BACH2: variants seen among roughly 807,000 people sequenced by gnomAD.
BACH2 encodes BACH transcriptional regulator 2.
Under a neutral mutation model 61.8 loss-of-function variants are expected in BACH2, and 5 were observed. The observed-to-expected ratio is 0.08, with a 90% CI of 0.04 to 0.17. BACH2 has a LOEUF of 0.17. BACH2 is among the 10% of genes least tolerant of loss of function. The pLI is 1.00. For synonymous variants in BACH2, 446 were observed against 440.1 expected (o/e 1.01, Z -0.17); for missense variants, 824 against 1,091.1 (o/e 0.76, Z 3.45).
At chr6:90,152,909 T>G (rs919429505) in intron 4 of BACH2, among the ~76,000 whole-genome samples, 2 of 152,184 alleles carry the variant, frequency 1.3e-5, no homozygotes, top group Non-Finnish European at 2.9e-5. Flanking sequence ...GGTGATTAGC[T>G]GCTTTTGGCA....
At chr6:90,143,145 G>C (rs1784516127) in intron 4 of BACH2, among the ~76,000 whole-genome samples, 1 of 152,158 alleles carries the variant, frequency 6.6e-6, no homozygotes, top group South Asian at 2.1e-4. Flanking sequence ...GACAGGGATA[G>C]GTCTGCTTTA....
At chr6:90,217,916 T>C (rs1288229555) in intron 3 of BACH2, 1 of 152,140 alleles carries the variant, frequency 6.6e-6, no homozygotes, top group Non-Finnish European at 1.5e-5. Context: ...ACTTGGCATT[T>C]TGAAGTCATT....
At chr6:90,155,623 T>C (rs999158086) in intron 4 of BACH2, among the ~76,000 whole-genome samples, 4 of 152,290 alleles carry the variant, frequency 2.6e-5, no homozygotes, top group South Asian at 2.1e-4. Flanking sequence ...ACTAGAAATA[T>C]AGGAGGCCTA....
chr6:90,182,315 A>T (rs1376501930), intron 4 of BACH2, among the ~76,000 whole-genome samples: 1 of 152,166 alleles, frequency 6.6e-6, no homozygotes, highest in Non-Finnish European at 1.5e-5. Flanking sequence ...GGCCCATCAC[A>T]TACTGTTCCT....
At chr6:90,151,543 G>C (rs1295848081) in intron 4 of BACH2, among the ~76,000 whole-genome samples, 2 of 152,048 alleles carry the variant, frequency 1.3e-5, no homozygotes, top group African/African-American at 4.8e-5. Flanking sequence ...TTCCCACCTT[G>C]GTCTCCCAAA....
At chr6:90,276,413 C>T (rs904745013) in intron 1 of BACH2, among the ~76,000 whole-genome samples, 1 of 152,162 alleles carries the variant, frequency 6.6e-6, no homozygotes, top group Non-Finnish European at 1.5e-5. Context: ...AAACACACAC[C>T]TTTAAATGAT....
chr6:90,268,194 C>T (rs143773347), intron 2 of BACH2, among the ~76,000 whole-genome samples: 11 of 151,852 alleles, frequency 7.2e-5, no homozygotes, highest in African/African-American at 1.7e-4. Flanking sequence ...TTTTTAGAGA[C>T]GAGGTTTCAC....
At position 89,950,660 on chromosome 6, in the gene BACH2, G is replaced by A. The variant is rs147210309; in HGVS notation, c.1446C>T (p.His482=). The change falls in exon 7 of 9, where the codon CAC becomes CAT. Residue 482 remains histidine (H), a synonymous_variant. Transcript: ENST00000257749. The surrounding 1 kb of genome is among the most constrained non-coding windows in gnomAD (Gnocchi z 5.3). ...QSLPSSQAYS[H]GGLMADHLPG... is the part of the protein sequence containing the mutation. ...GCAAGTGGTCGGCCATCAGCCCACC[G>A]TGGGAGTAGGCCTGCGAGCTGGGGA... 1.1e-5 allele frequency: 17 copies of A among 1,614,056 alleles called. No individual in the cohort carries two copies. The South Asian group carries it at 1.4e-4, about 14-fold the overall frequency.
At chr6:90,243,851 T>C (rs1004074353) in intron 3 of BACH2, among the ~76,000 whole-genome samples, 17 of 152,230 alleles carry the variant, frequency 1.1e-4, no homozygotes, top group African/African-American at 4.1e-4. Flanking sequence ...TCTACCTTTA[T>C]GTAGTAAAAT....
chr6:90,241,817 AAAC>A (rs1398449971), intron 3 of BACH2, among the ~76,000 whole-genome samples: 1 of 152,228 alleles, frequency 6.6e-6, no homozygotes, highest in Non-Finnish European at 1.5e-5. Flanking sequence ...AAAAATTAAA[AAAC>A]AACTAGAGAA....
In BACH2 at chr6:90,084,285, T is replaced by C. The variant is rs138885687; in HGVS notation, c.-13+4676A>G. 5.5e-3 allele frequency among the ~76,000 whole-genome samples: 836 copies of C among 152,060 alleles called. 7 individuals carry two copies. Among genetic ancestry groups the C allele is most frequent in the African/African-American group, 0.018 (765 of 41,432 alleles). ...CCACTAGGGTCTGTCTTTGTTGGTC[T>C]TCTCTACTTTATGTCATTTTGTCTC... is the stretch of plus-strand genomic sequence containing the variant. On this transcript the variant is annotated intron_variant, in intron 5 of 8. Transcript: ENST00000257749.
chr6:90,296,066 G>A (rs893607003), intron 1 of BACH2, among the ~76,000 whole-genome samples: 1 of 152,026 alleles, frequency 6.6e-6, no homozygotes, highest in Non-Finnish European at 1.5e-5. Context: ...CGGGCCGGGG[G>A]CAGGGCCGCG....
At chr6:90,040,305 C>T (rs890174711) in intron 5 of BACH2, among the ~76,000 whole-genome samples, 1 of 152,060 alleles carries the variant, frequency 6.6e-6, no homozygotes, top group Non-Finnish European at 1.5e-5. Context: ...ATTTAATTGT[C>T]CCAGCACCAT....
rs117660077 is a variant in BACH2 at position 90,131,016 on chromosome 6, T to C, written c.-161-41907A>G. On this transcript the variant is annotated intron_variant, in intron 4 of 8. Transcript: ENST00000257749. ...TGTTATTAGTGTTAATATGGTCTTT[T>C]AGTGGGAAGAGTCACTCCTGAGAGC... 7.6e-3 allele frequency among the ~76,000 whole-genome samples: 1,152 copies of C among 152,332 alleles called. 9 individuals carry two copies. The highest frequency in any genetic ancestry group is 9.8e-3 in the Non-Finnish European group (665 of 68,022).
intron 6 of BACH2, among the ~76,000 whole-genome samples, chr6:89,959,484 T>C (rs1349979484): frequency 1.2e-4 from 17 of 145,716 alleles, no homozygotes; most frequent in Non-Finnish European, 1.7e-4. Flanking sequence ...TTTTCCGAAA[T>C]GTACTTGTAG....
At chr6:90,149,814 G>C (rs1037223467) in intron 4 of BACH2, among the ~76,000 whole-genome samples, 1 of 152,150 alleles carries the variant, frequency 6.6e-6, no homozygotes. Context: ...GTCTGTCCTT[G>C]AACTGCCAGA....
chr6:90,267,541 A>G (rs771187262), intron 2 of BACH2, among the ~76,000 whole-genome samples: 1 of 152,224 alleles, frequency 6.6e-6, no homozygotes, highest in Non-Finnish European at 1.5e-5. Flanking sequence ...TTAGGAATCT[A>G]TCCTTCAAAT....
intron 3 of BACH2, among the ~76,000 whole-genome samples, chr6:90,231,689 C>T (rs1040006288): frequency 6.6e-6 from 1 of 152,112 alleles, no homozygotes; most frequent in Non-Finnish European, 1.5e-5. Context: ...ATGTCAGCTG[C>T]CAAACATAAT....
At chr6:89,982,031 G>A (rs1312964721) in intron 6 of BACH2, among the ~76,000 whole-genome samples, 3 of 151,746 alleles carry the variant, frequency 2.0e-5, no homozygotes, top group African/African-American at 7.3e-5. Flanking sequence ...AGTGTAGTGG[G>A]GAGACCACTG....
Sources: gnomAD v4.1 joint callset for allele counts (sites outside exome capture counted in the v4.1 genomes callset) on GRCh38, gnomAD v4.1.1 for gene constraint, Gnocchi (gnomAD v3.1) non-coding constraint, MANE v1.5 for transcripts, NCBI Gene and HGNC (gene_info 2026-07-23, HGNC 2026-07-21) for gene names.